Variants in CDH13 observed in about 807,000 individuals in gnomAD.
CDH13 encodes cadherin 13, also known as cadherin-13.
CDH13 carries 24 observed loss-of-function variants against 63.8 expected under a neutral mutation model. That is an observed-to-expected ratio of 0.38 (90% confidence interval 0.27 to 0.53). The LOEUF is 0.53. Among genes scored for constraint, CDH13 ranks in the 20% least tolerant of loss-of-function variants. The pLI is 0.85. For synonymous variants in CDH13, 503 were observed against 355.3 expected, an observed-to-expected ratio of 1.42 and a Z score of -4.67; for missense variants, 1,049 against 903.1, an observed-to-expected ratio of 1.16 and a Z score of -2.07.
At chr16:83,685,978 C>G (rs1223798767) in intron 10 of CDH13, among the ~76,000 whole-genome samples, 1 of 152,160 alleles carries the variant, frequency 6.6e-6, no homozygotes, top group African/African-American at 2.4e-5. Context: ...TTATGTAGAA[C>G]TTTACCAAAA....
intron 2 of CDH13, among the ~76,000 whole-genome samples, chr16:82,942,884 T>C (rs1182804291): frequency 6.6e-6 from 1 of 152,198 alleles, no homozygotes; most frequent in Non-Finnish European, 1.5e-5. Context: ...GTTGCTGAGC[T>C]ATAATGTGGT....
chr16:83,525,100 C>G (rs577158552), intron 7 of CDH13, among the ~76,000 whole-genome samples: 1 of 152,282 alleles, frequency 6.6e-6, no homozygotes, highest in South Asian at 2.1e-4. Context: ...TAATGAAAAC[C>G]TCTCTCTCCC....
chr16:83,433,454 C>G (rs1450983903), intron 6 of CDH13, among the ~76,000 whole-genome samples: 2 of 152,198 alleles, frequency 1.3e-5, no homozygotes, highest in African/African-American at 2.4e-5. Context: ...AAATGCATGA[C>G]CAGCGGATAA....
At chr16:83,662,570 G>C (rs958616037) in intron 8 of CDH13, among the ~76,000 whole-genome samples, 1 of 152,206 alleles carries the variant, frequency 6.6e-6, no homozygotes, top group Admixed American at 6.5e-5. Context: ...ACCACCAGGA[G>C]CAGGGAGTTG....
chr16:83,720,213 A>G (rs1238300476), intron 10 of CDH13, among the ~76,000 whole-genome samples: 1 of 152,084 alleles, frequency 6.6e-6, no homozygotes, highest in Non-Finnish European at 1.5e-5. Flanking sequence ...ACACTTGTGC[A>G]TGTACACATG....
chr16:83,200,539 G>T (rs2038995371), intron 4 of CDH13, among the ~76,000 whole-genome samples: 1 of 152,076 alleles, frequency 6.6e-6, no homozygotes, highest in African/African-American at 2.4e-5. Context: ...ATCCATCCCT[G>T]TATCCTTGTG....
chr16:83,358,170 C>T (rs2091093804), intron 6 of CDH13, among the ~76,000 whole-genome samples: 1 of 152,166 alleles, frequency 6.6e-6, no homozygotes, highest in African/African-American at 2.4e-5. Flanking sequence ...GCTCAGCCTC[C>T]CTGGCAGCTA....
intron 6 of CDH13, among the ~76,000 whole-genome samples, chr16:83,450,936 C>T (rs775659718): frequency 2.0e-5 from 3 of 152,094 alleles, no homozygotes; most frequent in Admixed American, 6.6e-5. Context: ...CTTGTGTGTG[C>T]GTCGGCATCC....
intron 1 of CDH13, among the ~76,000 whole-genome samples, chr16:82,677,343 C>G (rs1355105920): frequency 6.6e-6 from 1 of 152,082 alleles, no homozygotes; most frequent in African/African-American, 2.4e-5. Flanking sequence ...CCTCTTCTTC[C>G]TAGCCCAGGT....
At chr16:83,636,043 T>C (rs1309413440) in intron 8 of CDH13, among the ~76,000 whole-genome samples, 1 of 152,052 alleles carries the variant, frequency 6.6e-6, no homozygotes, top group African/African-American at 2.4e-5. Context: ...GTTGCTCCAG[T>C]AGCCTTTTAG....
intron 2 of CDH13, among the ~76,000 whole-genome samples, chr16:83,030,008 A>T (rs762927999): frequency 1.3e-5 from 2 of 152,156 alleles, no homozygotes; most frequent in Non-Finnish European, 2.9e-5. Context: ...GAGTTGTGAT[A>T]CCCATAATAA....
At position 83,526,836 on chromosome 16, in the gene CDH13, A is replaced by C. The variant is rs117940098; in HGVS notation, c.960+40181A>C. ...ATTGTCTTGAAGCAGGCAGGCAGAC[A>C]GAATGGGAATTCAGGCCAGGGATGG... is the stretch of plus-strand genomic sequence containing the variant. On this transcript the variant is annotated intron_variant, in intron 7 of 13. Transcript: ENST00000567109. Among the ~76,000 whole-genome samples the C allele has an allele frequency of 4.1e-3, 631 of 152,316 alleles. 2 individuals are homozygous for C. The highest frequency in any genetic ancestry group is 6.7e-3 in the Non-Finnish European group (458 of 68,024).
chr16:82,703,622 C>G (rs536640143), intron 1 of CDH13, among the ~76,000 whole-genome samples: 1 of 152,290 alleles, frequency 6.6e-6, no homozygotes, highest in South Asian at 2.1e-4. Context: ...AAATAAGCTA[C>G]TTACATTCGA....
chr16:83,239,112 G>A (rs544513904), intron 5 of CDH13, among the ~76,000 whole-genome samples: 2 of 152,266 alleles, frequency 1.3e-5, no homozygotes, highest in South Asian at 4.2e-4. Context: ...TCTAAATATA[G>A]CGCCTGTCTT....
At chr16:83,788,412 A>G (rs1215066363) in intron 13 of CDH13, among the ~76,000 whole-genome samples, 1 of 152,152 alleles carries the variant, frequency 6.6e-6, no homozygotes, top group African/African-American at 2.4e-5. Context: ...TTTTATAATA[A>G]TACACATTCT....
intron 4 of CDH13, among the ~76,000 whole-genome samples, chr16:83,191,464 T>TATATATATATATATATATATATGCAC (rs2038698831): frequency 1.7e-4 from 16 of 92,496 alleles, no homozygotes; most frequent in East Asian, 5.4e-4. Flanking sequence ...AGGAAATATA[T>TATATATATATATATATATATATGCAC]ATATATATAT....
chr16:82,828,546 G>C (rs2038370012), intron 1 of CDH13, among the ~76,000 whole-genome samples: 1 of 152,072 alleles, frequency 6.6e-6, no homozygotes, highest in Non-Finnish European at 1.5e-5. Context: ...AGAATTGCTT[G>C]ATCCCGGGAG....
rs2037086941 is a variant in CDH13 at position 83,153,722 on chromosome 16, G to A, written c.483+28221G>A. Among the ~76,000 whole-genome samples the A allele has an allele frequency of 2.0e-5, 3 of 152,282 alleles. No homozygotes were observed. In the South Asian group the frequency reaches 6.2e-4, roughly 32 times the overall value. ...CAACAGATTCTCCCTTAGAGACTCA[G>A]AAGGAACCAACCCTGGCATTACCTT... On this transcript the variant is annotated intron_variant, in intron 4 of 13. Coordinates refer to ENST00000567109, the MANE Select transcript of CDH13 (RefSeq NM_001257.5).
intron 4 of CDH13, among the ~76,000 whole-genome samples, chr16:83,166,385 T>C (rs535126443): frequency 2.6e-4 from 40 of 152,130 alleles, no homozygotes; most frequent in South Asian, 2.1e-3. Context: ...GGAAGAGTAA[T>C]TGGGCTAAGA....
Sources: gnomAD v4.1 joint callset for allele counts (sites outside exome capture counted in the v4.1 genomes callset) on GRCh38, gnomAD v4.1.1 for gene constraint, MANE v1.5 for transcripts, NCBI Gene and HGNC (gene_info 2026-07-23, HGNC 2026-07-21) for gene names.